Variants in PLA2G4A observed in about 807,000 individuals in gnomAD.
PLA2G4A encodes the protein cytosolic phospholipase A2.
In PLA2G4A, 40 loss-of-function variants were observed where a neutral mutation model predicts 81.9. The ratio of observed to expected loss-of-function variants is 0.49; its 90% CI spans 0.38 to 0.64. The LOEUF is 0.64. Among genes scored for constraint, PLA2G4A ranks in the 30% least tolerant of loss-of-function variants. The pLI is 0.00. For synonymous variants in PLA2G4A, 302 were observed against 296.9 expected, an observed-to-expected ratio of 1.02 and a Z score of -0.18; for missense variants, 715 against 905.1, an observed-to-expected ratio of 0.79 and a Z score of 2.69.
At chr1:186,899,121 G>T (rs1392061614) in intron 5 of PLA2G4A, among the ~76,000 whole-genome samples, 1 of 152,148 alleles carries the variant, frequency 6.6e-6, no homozygotes, top group African/African-American at 2.4e-5. Context: ...CTAAACTAGG[G>T]GCAGAGAATG....
At chr1:186,955,691 G>T (rs1033875983) in intron 13 of PLA2G4A, among the ~76,000 whole-genome samples, 2 of 147,618 alleles carry the variant, frequency 1.4e-5, no homozygotes, top group African/African-American at 5.0e-5. Flanking sequence ...CAAATATAGA[G>T]CTTTATTGTT....
intron 1 of PLA2G4A, among the ~76,000 whole-genome samples, chr1:186,841,418 C>A (rs530265387): frequency 6.6e-6 from 1 of 151,844 alleles, no homozygotes; most frequent in Non-Finnish European, 1.5e-5. Flanking sequence ...CCTTTTTAGC[C>A]CCAGTGCATG....
rs777146045 is a variant in PLA2G4A, at chr1:186,977,782, G to C, written c.1954G>C (p.Ala652Pro). The C allele has an allele frequency of 5.0e-6, 8 of 1,600,054 alleles. No individual in the cohort carries two copies. The African/African-American group carries it at 5.4e-5, about 11-fold the overall frequency. Residue 652 changes from alanine to proline, a missense_variant, in exon 16 of 18, where the codon GCT (alanine) becomes CCT (proline). Coordinates refer to ENST00000367466, the MANE Select transcript of PLA2G4A (RefSeq NM_024420.3). ...CAACATCAACTTCAGAAAGTACAGG[G>C]CTCCAGGTAAGTAGGGAGTAAGCTG... ...LANINFRKYR[A>P]PGVPRETEEE...
intron 1 of PLA2G4A, among the ~76,000 whole-genome samples, chr1:186,832,123 T>C (rs1017370753): frequency 8.5e-5 from 13 of 152,254 alleles, no homozygotes; most frequent in Non-Finnish European, 1.3e-4. Context: ...CAATTATATC[T>C]TGTTGGATAT....
rs1374519399 is a variant in PLA2G4A at position 186,912,721 on chromosome 1, T to TA, written c.558+1332_558+1333insA. 7.1e-3 allele frequency among the ~76,000 whole-genome samples: 1,012 copies of TA among 143,148 alleles called. 42 individuals are homozygous for TA. Among genetic ancestry groups the TA allele is most frequent in the African/African-American group, 0.026 (970 of 36,854 alleles). The allele number at this position is 143,148 out of a possible 152,430, so 93.9% of individuals were successfully genotyped here. On this transcript the variant is annotated intron_variant, in intron 7 of 17. Transcript: ENST00000367466. ...ATTTACTTATTCATATATATGTATA[T>TA]TTATATATACATATATATACATATA...
intron 10 of PLA2G4A, among the ~76,000 whole-genome samples, chr1:186,944,497 C>T (rs1222711442): frequency 6.6e-6 from 1 of 152,134 alleles, no homozygotes; most frequent in African/African-American, 2.4e-5. Context: ...CAGGAATTTT[C>T]CTAACAGCCT....
rs575976716 is a variant in PLA2G4A, at chr1:186,899,976, C to T, written c.378+5765C>T. On this transcript the variant is annotated intron_variant, in intron 5 of 17. Transcript: ENST00000367466. ...AAGCTGAATTACAGTGAATTCAGCT[C>T]TTTCTTAGACTTTGATTTTATCACT... is the stretch of plus-strand genomic sequence containing the variant. Among the ~76,000 whole-genome samples, 97 of 151,938 alleles carry T rather than the reference C, an allele frequency of 6.4e-4. 1 individual carries two copies. The highest frequency in any genetic ancestry group is 1.2e-3 in the Non-Finnish European group (83 of 67,968).
At chr1:186,852,302 A>G (rs1652403389) in intron 1 of PLA2G4A, among the ~76,000 whole-genome samples, 1 of 152,010 alleles carries the variant, frequency 6.6e-6, no homozygotes, top group Admixed American at 6.6e-5. Context: ...ATTTTAAATA[A>G]TACAGTCAGG....
chr1:186,940,786 G>C (rs184189682), intron 10 of PLA2G4A, among the ~76,000 whole-genome samples: 1 of 152,254 alleles, frequency 6.6e-6, no homozygotes, highest in Non-Finnish European at 1.5e-5. Context: ...ATCTGCAGTT[G>C]ATAGAATTTG....
chr1:186,934,876 A>G lies in PLA2G4A; in HGVS notation c.695+1977A>G, dbSNP rs113258525. On this transcript the variant is annotated intron_variant, in intron 8 of 17. Transcript: ENST00000367466. ...ATATATTGTCCCTACCACTTCCACA[A>G]TTTCTCTCCTTAATGTGGGCTTTCC... Among the ~76,000 whole-genome samples, 584 of 151,760 alleles carry G rather than the reference A, an allele frequency of 3.8e-3. 3 individuals are homozygous for G. The highest frequency in any genetic ancestry group is 0.013 in the African/African-American group (543 of 41,416).
chr1:186,885,019 G>A (rs1653882690), intron 3 of PLA2G4A, among the ~76,000 whole-genome samples: 2 of 152,086 alleles, frequency 1.3e-5, no homozygotes, highest in African/African-American at 4.8e-5. Context: ...GCCAAGCAGT[G>A]AAGAGGCCAA....
At chr1:186,923,831 T>C (rs1655448361) in intron 7 of PLA2G4A, among the ~76,000 whole-genome samples, 1 of 152,244 alleles carries the variant, frequency 6.6e-6, no homozygotes, top group South Asian at 2.1e-4. Context: ...GCTTTCTAGT[T>C]ATTTGCAACA....
At chr1:186,846,125 G>T (rs1375920098) in intron 1 of PLA2G4A, among the ~76,000 whole-genome samples, 1 of 152,084 alleles carries the variant, frequency 6.6e-6, no homozygotes, top group East Asian at 1.9e-4. Context: ...CTAATTCTGG[G>T]ACAAAAAATT....
At chr1:186,905,068 T>G (rs974258629) in intron 5 of PLA2G4A, among the ~76,000 whole-genome samples, 19 of 152,204 alleles carry the variant, frequency 1.2e-4, no homozygotes, top group African/African-American at 3.6e-4. Flanking sequence ...TTAGCCAGGC[T>G]GGTTTCGAAC....
At chr1:186,931,342 G>A (rs1467287380) in intron 7 of PLA2G4A, among the ~76,000 whole-genome samples, 1 of 151,874 alleles carries the variant, frequency 6.6e-6, no homozygotes, top group Admixed American at 6.6e-5. Context: ...TTCGTTATGA[G>A]GTTTCAAGTT....
At position 186,988,873 on chromosome 1, in the gene PLA2G4A, A is replaced by T. The variant is rs184857750; in HGVS notation, c.*365A>T. On this transcript the variant is annotated 3_prime_UTR_variant, in exon 18 of 18. Transcript: ENST00000367466. ...ATCTCAATAAGACCTCGCATTATGT[A>T]TGAATGTTATTCACTGACTAGATTT... The T allele has an allele frequency of 1.1e-5, 2 of 186,604 alleles. No homozygotes were observed. Among genetic ancestry groups the T allele is most frequent in the African/African-American group, 4.7e-5 (2 of 42,304 alleles). The allele number at this position is 186,604 out of a possible 1,614,324, so 11.6% of individuals were successfully genotyped here.
intron 15 of PLA2G4A, among the ~76,000 whole-genome samples, chr1:186,968,434 A>C (rs12063845): frequency 3.1e-5 from 2 of 63,556 alleles, no homozygotes; most frequent in South Asian, 6.5e-4. Context: ...GTGTGTGTGT[A>C]TGTGTCTATA....
intron 16 of PLA2G4A, among the ~76,000 whole-genome samples, chr1:186,978,595 C>T (rs1249882213): frequency 1.3e-5 from 2 of 152,136 alleles, no homozygotes; most frequent in Non-Finnish European, 2.9e-5. Flanking sequence ...TTTTAGTTAT[C>T]AGACACTAGA....
chr1:186,893,798 C>G (rs1034260370), intron 4 of PLA2G4A, among the ~76,000 whole-genome samples: 26 of 151,330 alleles, frequency 1.7e-4, no homozygotes, highest in Non-Finnish European at 8.8e-5. Flanking sequence ...GTGGCGCTTG[C>G]TTGTAATCCC....
Sources: gnomAD v4.1 joint callset for allele counts (sites outside exome capture counted in the v4.1 genomes callset) on GRCh38, gnomAD v4.1.1 for gene constraint, MANE v1.5 for transcripts, NCBI Gene and HGNC (gene_info 2026-07-23, HGNC 2026-07-21) for gene names.